CCDC171: variants seen among roughly 807,000 people sequenced by gnomAD.
The protein encoded by CCDC171 is coiled-coil domain containing 171.
CCDC171 carries 177 observed loss-of-function variants against 168.2 expected under a neutral mutation model. That is an observed-to-expected ratio of 1.05 (90% CI 0.93 to 1.19). CCDC171 has a LOEUF of 1.19. Ranked by LOEUF, CCDC171 falls within the 50% of genes most tolerant of loss-of-function variation. The pLI is 0.00. For missense variants in CCDC171, 1,991 were observed against 1,539.0 expected (o/e 1.29, Z -4.91); for synonymous variants, 687 against 540.8 (o/e 1.27, Z -3.75).
chr9:15,914,069 G>A (rs1824117869), intron 24 of CCDC171, among the ~76,000 whole-genome samples: 2 of 152,200 alleles, frequency 1.3e-5, no homozygotes, highest in South Asian at 4.1e-4. Flanking sequence ...TTGTATATGA[G>A]GCGTCTGTCA....
At chr9:16,013,102 C>G (rs1832915390) in intron 3 of CCDC171, among the ~76,000 whole-genome samples, 1 of 152,210 alleles carries the variant, frequency 6.6e-6, no homozygotes, top group Non-Finnish European at 1.5e-5. Context: ...TCACAAACCT[C>G]TTTGCCTCCT....
At chr9:15,777,451 A>G in intron 18 of CCDC171, 149 bp from the exon 19 acceptor site, 1 of 517,050 alleles carries the variant, frequency 1.9e-6, no homozygotes, top group Non-Finnish European at 3.3e-6. Flanking sequence ...CATAGTGAAA[A>G]TAATGTGGGA....
intron 3 of CCDC171, 70 bp downstream of exon 3, chr9:15,571,829 A>C (rs1158484898): frequency 7.3e-6 from 10 of 1,373,770 alleles, no homozygotes; most frequent in African/African-American, 1.5e-5. Flanking sequence ...TTCATATGAA[A>C]AACTCCATGT....
intron 18 of CCDC171, among the ~76,000 whole-genome samples, chr9:15,764,656 CGTAA>C (rs1216704751): frequency 6.6e-6 from 1 of 152,042 alleles, no homozygotes. Context: ...ATATTAGACT[CGTAA>C]GTGTCAAGGA....
At chr9:16,107,676 G>A in the CCDC171 span, among the ~76,000 whole-genome samples, 6 of 152,000 alleles carry the variant, frequency 3.9e-5, no homozygotes, top group African/African-American at 1.4e-4. Context: ...AGAGTAAGTT[G>A]CAAAAACATG....
chr9:15,756,562 A>G (rs140944072), intron 18 of CCDC171, among the ~76,000 whole-genome samples: 168 of 152,278 alleles, frequency 1.1e-3, no homozygotes, highest in African/African-American at 3.7e-3. Context: ...AGTAGTCCCC[A>G]GTGTCTGTTC....
At chr9:15,641,762 C>T (rs767136407) in intron 7 of CCDC171, among the ~76,000 whole-genome samples, 1 of 152,090 alleles carries the variant, frequency 6.6e-6, no homozygotes, top group South Asian at 2.1e-4. Flanking sequence ...TAGAGTAACA[C>T]CTACTATTTA....
chr9:15,990,211 C>A (rs1026048160), intron 3 of CCDC171, among the ~76,000 whole-genome samples: 1 of 152,130 alleles, frequency 6.6e-6, no homozygotes, highest in Non-Finnish European at 1.5e-5. Context: ...GGAAGCCCAT[C>A]AGACTGACAG....
At chr9:15,739,764 G>A (rs1007169330) in intron 16 of CCDC171, among the ~76,000 whole-genome samples, 18 of 143,662 alleles carry the variant, frequency 1.3e-4, no homozygotes, top group African/African-American at 4.5e-4. Context: ...TTGATACCAA[G>A]TCTCACTCTG....
chr9:15,672,252 C>T (rs2049172605), intron 9 of CCDC171, among the ~76,000 whole-genome samples: 1 of 151,946 alleles, frequency 6.6e-6, no homozygotes, highest in South Asian at 2.1e-4. Flanking sequence ...GGATATTAGC[C>T]CTTTGTCAGA....
intron 24 of CCDC171, among the ~76,000 whole-genome samples, chr9:15,896,723 A>G (rs1820951572): frequency 1.3e-5 from 2 of 152,086 alleles, no homozygotes. Flanking sequence ...TATACACTGC[A>G]TTCAGTATCT....
intron 4 of CCDC171, chr9:15,587,502 A>G (rs2041654080): frequency 8.0e-6 from 3 of 375,130 alleles, no homozygotes; most frequent in Admixed American, 3.1e-5. Context: ...TGTAAGTCCA[A>G]TAAACCTCTT....
intron 16 of CCDC171, among the ~76,000 whole-genome samples, chr9:15,737,149 A>C (rs192124829): frequency 6.6e-6 from 1 of 152,138 alleles, no homozygotes; most frequent in Non-Finnish European, 1.5e-5. Flanking sequence ...GAATATCAAG[A>C]TAATTTTTAC....
At chr9:15,813,004 G>A (rs1374876170) in intron 21 of CCDC171, among the ~76,000 whole-genome samples, 2 of 152,210 alleles carry the variant, frequency 1.3e-5, no homozygotes, top group Non-Finnish European at 2.9e-5. Context: ...TGGGAATTTA[G>A]GTTGTCCTCT....
intron 16 of CCDC171, among the ~76,000 whole-genome samples, chr9:15,739,548 A>T (rs932018505): frequency 3.3e-5 from 5 of 152,190 alleles, no homozygotes; most frequent in South Asian, 4.1e-4. Flanking sequence ...CCAACCTCAT[A>T]GTTCAGTATA....
chr9:16,074,243 A>T, the CCDC171 span, among the ~76,000 whole-genome samples: 1 of 152,268 alleles, frequency 6.6e-6, no homozygotes, highest in South Asian at 2.1e-4. Flanking sequence ...ATTAAGCTGC[A>T]TGTTTATCTC....
chr9:16,051,952 G>C (rs1190308960), intron 1 of CCDC171, among the ~76,000 whole-genome samples: 1 of 152,202 alleles, frequency 6.6e-6, no homozygotes, highest in Non-Finnish European at 1.5e-5. Flanking sequence ...GCAAGAGAGA[G>C]AACTCCCCTT....
intron 21 of CCDC171, among the ~76,000 whole-genome samples, chr9:15,793,521 T>G (rs1056603805): frequency 2.7e-4 from 41 of 151,436 alleles, no homozygotes; most frequent in Non-Finnish European, 1.2e-4. Context: ...ATATACATTC[T>G]TTTCAGCACC....
intron 23 of CCDC171, among the ~76,000 whole-genome samples, chr9:15,856,287 A>C (rs543865224): frequency 6.6e-6 from 1 of 152,102 alleles, no homozygotes. Flanking sequence ...GAACTTATCC[A>C]TCTGGCATAA....
Sources: allele counts gnomAD v4.1 joint callset (sites outside exome capture counted in the v4.1 genomes callset), GRCh38; gene constraint gnomAD v4.1.1; transcripts MANE v1.5; gene names NCBI Gene and HGNC (gene_info 2026-07-23, HGNC 2026-07-21).